CSMD1: variants seen among roughly 807,000 people sequenced by gnomAD.
CSMD1 encodes CUB and Sushi multiple domains 1, also known as CUB and sushi domain-containing protein 1.
A neutral mutation model predicts 417.5 loss-of-function variants in CSMD1; 213 were observed. That is an observed-to-expected ratio of 0.51 (90% CI 0.46 to 0.57). CSMD1 has a LOEUF of 0.57. CSMD1 is among the 20% of genes least tolerant of loss of function. The pLI, the probability that CSMD1 is intolerant of heterozygous loss-of-function variation, is 0.00. For missense variants in CSMD1, 6,923 were observed against 4,529.7 expected (o/e 1.53, Z -15.17); for synonymous variants, 2,862 against 1,736.8 (o/e 1.65, Z -16.11).
chr8:4,437,051 A>C (rs145592975), intron 2 of CSMD1, among the ~76,000 whole-genome samples: 48 of 152,258 alleles, frequency 3.2e-4, no homozygotes, highest in Non-Finnish European at 5.7e-4. Context: ...TTTTTCCTCA[A>C]GGTAATTTAA....
At chr8:4,750,415 T>A (rs1279166811) in intron 1 of CSMD1, among the ~76,000 whole-genome samples, 1 of 152,206 alleles carries the variant, frequency 6.6e-6, no homozygotes, top group African/African-American at 2.4e-5. Context: ...AGGATAAATA[T>A]GTGTTGCAAT....
rs561761989 is a variant in CSMD1, at chr8:4,911,904, G to C, written c.85+82428C>G. On this transcript the variant is annotated intron_variant, in intron 1 of 69. Coordinates refer to ENST00000635120, the MANE Select transcript of CSMD1 (RefSeq NM_033225.6). Reference sequence around the variant, plus strand: ...GAGAAGCTCATCAGAAAAATTACTAGACAGGTATTTTGTGGCAACATATTT... The same window carrying C: ...GAGAAGCTCATCAGAAAAATTACTACACAGGTATTTTGTGGCAACATATTT... Among the ~76,000 whole-genome samples the C allele has an allele frequency of 1.3e-3, 192 of 151,946 alleles. 2 individuals are homozygous for C. Among genetic ancestry groups the C allele is most frequent in the Non-Finnish European group, 2.2e-3 (149 of 67,992 alleles).
intron 1 of CSMD1, among the ~76,000 whole-genome samples, chr8:4,693,370 G>T (rs1032678680): frequency 2.0e-5 from 3 of 152,210 alleles, no homozygotes; most frequent in African/African-American, 4.8e-5. Context: ...GTAGAGTGGA[G>T]AAAACAGCTG....
At chr8:4,534,924 G>T (rs545959699) in intron 2 of CSMD1, among the ~76,000 whole-genome samples, 1 of 152,006 alleles carries the variant, frequency 6.6e-6, no homozygotes, top group Admixed American at 6.6e-5. Flanking sequence ...CACCACGCCC[G>T]GCTTATTTCT....
At chr8:4,360,705 G>C (rs1467969782) in intron 3 of CSMD1, among the ~76,000 whole-genome samples, 1 of 152,070 alleles carries the variant, frequency 6.6e-6, no homozygotes, top group Non-Finnish European at 1.5e-5. Flanking sequence ...ATCTTAGCCA[G>C]GATGGTCTCC....
chr8:3,825,726 C>T (rs1468505857), intron 5 of CSMD1, among the ~76,000 whole-genome samples: 3 of 152,090 alleles, frequency 2.0e-5, no homozygotes, highest in African/African-American at 2.4e-5. Context: ...AAAATTTCCA[C>T]TGAAGCAACA....
At chr8:4,538,455 C>T (rs558007498) in intron 2 of CSMD1, among the ~76,000 whole-genome samples, 7 of 151,932 alleles carry the variant, frequency 4.6e-5, no homozygotes, top group African/African-American at 9.7e-5. Context: ...CCAGCCTGGT[C>T]GACATGGTGA....
At chr8:4,168,084 G>T (rs1205086703) in intron 3 of CSMD1, among the ~76,000 whole-genome samples, 6 of 151,598 alleles carry the variant, frequency 4.0e-5, no homozygotes, top group Non-Finnish European at 8.8e-5. Context: ...AGCTGAAATC[G>T]CACCACTGCT....
At chr8:4,921,214 C>T (rs1806477269) in intron 1 of CSMD1, among the ~76,000 whole-genome samples, 1 of 152,140 alleles carries the variant, frequency 6.6e-6, no homozygotes, top group African/African-American at 2.4e-5. Context: ...TTAGCTCCCT[C>T]TCACGTTCCA....
At chr8:3,228,139 T>A (rs1241659654) in intron 27 of CSMD1, among the ~76,000 whole-genome samples, 3 of 152,240 alleles carry the variant, frequency 2.0e-5, no homozygotes, top group African/African-American at 7.2e-5. Flanking sequence ...TAATTGTAAT[T>A]GTCTCCAGGT....
intron 1 of CSMD1, among the ~76,000 whole-genome samples, chr8:4,814,317 T>C (rs893288167): frequency 5.3e-5 from 8 of 152,112 alleles, no homozygotes; most frequent in South Asian, 4.1e-4. Flanking sequence ...ACAAACTCAG[T>C]TCACTGCAAC....
chr8:4,140,954 C>T (rs35993122), intron 3 of CSMD1, among the ~76,000 whole-genome samples: 1 of 150,872 alleles, frequency 6.6e-6, no homozygotes, highest in Non-Finnish European at 1.5e-5. Context: ...AAAAAGTCCT[C>T]GTATCTCAAT....
chr8:3,582,169 T>G (rs1800410638), intron 9 of CSMD1, among the ~76,000 whole-genome samples: 2 of 152,224 alleles, frequency 1.3e-5, no homozygotes, highest in Admixed American at 6.5e-5. Context: ...GTCCCTGCTG[T>G]ACCGAACGTG....
intron 1 of CSMD1, among the ~76,000 whole-genome samples, chr8:4,905,692 C>G (rs935026293): frequency 6.7e-6 from 1 of 149,940 alleles, no homozygotes; most frequent in Admixed American, 6.6e-5. Flanking sequence ...TGGTGGCGGG[C>G]GCCTGTAGTC....
intron 3 of CSMD1, among the ~76,000 whole-genome samples, chr8:4,233,193 A>T (rs1357959199): frequency 2.0e-5 from 3 of 152,196 alleles, no homozygotes; most frequent in East Asian, 3.8e-4. Context: ...TATTGAAAAC[A>T]TATCATTTTC....
Position 3,300,380 on chromosome 8 carries a change from TTTA to T in CSMD1, c.3950+7312_3950+7314del, listed in dbSNP as rs1243174433. Among the ~76,000 whole-genome samples, 72 of 152,216 alleles carry T rather than the reference TTTA, an allele frequency of 4.7e-4. 1 individual carries two copies. Among genetic ancestry groups the T allele is most frequent in the Admixed American group, 4.3e-3 (65 of 15,282 alleles). On this transcript the variant is annotated intron_variant, in intron 25 of 69. Coordinates refer to ENST00000635120, the MANE Select transcript of CSMD1 (RefSeq NM_033225.6). The stretch of plus-strand genomic sequence containing the variant: ...TTAGGGGTTTTTTTTTCTGCAGCAC[TTTA>T]TTATTTTAAAATTAAGAAAAATAAT...
rs191549186 is a variant in CSMD1 at position 4,207,006 on chromosome 8, A to G, written c.416-174907T>C. Among the ~76,000 whole-genome samples, 1,154 of 152,290 alleles carry G rather than the reference A, an allele frequency of 7.6e-3. 14 individuals are homozygous for G. Among genetic ancestry groups the G allele is most frequent in the African/African-American group, 0.026 (1,101 of 41,572 alleles). Reference sequence around the variant, plus strand: ...TAAATCTATAAAAATGTTTTAGTAGATAAGATCACATATTCCTCTTTAAAT... The same window carrying G: ...TAAATCTATAAAAATGTTTTAGTAGGTAAGATCACATATTCCTCTTTAAAT... On this transcript the variant is annotated intron_variant, in intron 3 of 69. Transcript: ENST00000635120.
chr8:4,596,920 CA>C (rs1426005556), intron 2 of CSMD1, among the ~76,000 whole-genome samples: 2 of 152,140 alleles, frequency 1.3e-5, no homozygotes, highest in Non-Finnish European at 2.9e-5. Flanking sequence ...ATGGGTTTAT[CA>C]GGGGTTTCCG....
chr8:3,914,939 A>G (rs549888517), intron 5 of CSMD1, among the ~76,000 whole-genome samples: 1 of 152,288 alleles, frequency 6.6e-6, no homozygotes, highest in South Asian at 2.1e-4. Flanking sequence ...ACACAACAAC[A>G]ACGACAACAA....
Sources: gnomAD v4.1 joint callset for allele counts (sites outside exome capture counted in the v4.1 genomes callset) on GRCh38, gnomAD v4.1.1 for gene constraint, MANE v1.5 for transcripts, NCBI Gene and HGNC (gene_info 2026-07-23, HGNC 2026-07-21) for gene names.